The following MYOF variants were observed in gnomAD, a reference collection of about 807,000 sequenced individuals.
MYOF encodes the protein fer-1-like 3, myoferlin.
A neutral mutation model predicts 284.2 loss-of-function variants in MYOF; 244 were observed. The ratio of observed to expected loss-of-function variants is 0.86; its 90% confidence interval spans 0.77 to 0.95. The LOEUF is 0.95. MYOF is among the 40% of genes least tolerant of loss of function. The pLI is 0.00. For synonymous variants in MYOF, 904 were observed against 919.7 expected, an observed-to-expected ratio of 0.98 and a Z score of 0.31; for missense variants, 2,496 against 2,560.6, an observed-to-expected ratio of 0.97 and a Z score of 0.54.
chr10:93,355,551 G>A, intron 31 of MYOF, 77 bp downstream of exon 31: 1 of 1,194,618 alleles, frequency 8.4e-7, no homozygotes. Flanking sequence ...CTGCACTCCA[G>A]CCTGGGTGAT....
At chr10:93,381,901 G>A (rs1165324863) in intron 19 of MYOF, among the ~76,000 whole-genome samples, 2 of 152,068 alleles carry the variant, frequency 1.3e-5, no homozygotes, top group Non-Finnish European at 2.9e-5. Context: ...GCTGGGCGTG[G>A]TGGTGCACAC....
intron 1 of MYOF, among the ~76,000 whole-genome samples, chr10:93,470,353 CA>C (rs2057115990): frequency 6.6e-6 from 1 of 152,078 alleles, no homozygotes; most frequent in Non-Finnish European, 1.5e-5. Flanking sequence ...CCATCACCAT[CA>C]ATATAATTGC....
At chr10:93,445,518 C>T (rs1378977582) in intron 3 of MYOF, among the ~76,000 whole-genome samples, 1 of 152,248 alleles carries the variant, frequency 6.6e-6, no homozygotes, top group Non-Finnish European at 1.5e-5. Context: ...AGAGGCTCCT[C>T]TGTCTCCTTT....
At chr10:93,381,436 A>T (rs760644854) in intron 19 of MYOF, 40 bp from the exon 20 acceptor site, 1 of 1,593,510 alleles carries the variant, frequency 6.3e-7, no homozygotes, top group East Asian at 2.2e-5. Context: ...GTGAAAGGCC[A>T]TTTGTTCTTA....
chr10:93,393,013 C>T, intron 16 of MYOF, 58 bp from the exon 17 acceptor site: 1 of 1,469,566 alleles, frequency 6.8e-7, no homozygotes, highest in Non-Finnish European at 9.5e-7. Flanking sequence ...ATAAAACAGA[C>T]ATTGAAAACG....
intron 22 of MYOF, among the ~76,000 whole-genome samples, chr10:93,375,349 C>A (rs1845790525): frequency 6.6e-6 from 1 of 152,188 alleles, no homozygotes; most frequent in Non-Finnish European, 1.5e-5. Flanking sequence ...GGCTAGAGAC[C>A]ATTTAGCTGA....
At chr10:93,335,305 G>A (rs959025727) in intron 41 of MYOF, among the ~76,000 whole-genome samples, 2 of 152,262 alleles carry the variant, frequency 1.3e-5, no homozygotes, top group Admixed American at 6.5e-5. Context: ...GAGTGTGTGA[G>A]GGGGAGGGAG....
At chr10:93,455,695 C>T (rs527740213) in intron 2 of MYOF, among the ~76,000 whole-genome samples, 2 of 152,084 alleles carry the variant, frequency 1.3e-5, no homozygotes, top group Non-Finnish European at 2.9e-5. Flanking sequence ...CCAGAAGGTT[C>T]TAGTCTTTAT....
At chr10:93,311,573 A>C in intron 51 of MYOF, among the ~76,000 whole-genome samples, 1 of 142,024 alleles carries the variant, frequency 7.0e-6, no homozygotes, top group East Asian at 2.1e-4. Flanking sequence ...TGGGTGACAG[A>C]GTGAGACTTC....
At chr10:93,311,968 G>A (rs961083152) in intron 51 of MYOF, among the ~76,000 whole-genome samples, 3 of 152,204 alleles carry the variant, frequency 2.0e-5, no homozygotes, top group African/African-American at 7.2e-5. Context: ...CAGAGAGAGA[G>A]CACAAGGAAA....
In MYOF at chr10:93,312,721, T is replaced by A. The variant is rs545824377; in HGVS notation, c.5889+299A>T. ...CGAAATTGTACTAGAAGCCTAGCAT[T>A]AATTAACTTCCCTGATGAAGAAGAA... On this transcript the variant is annotated intron_variant, in intron 51 of 53. Transcript: ENST00000359263. 3.9e-5 allele frequency among the ~76,000 whole-genome samples: 6 copies of A among 152,158 alleles called. No individual in the cohort carries two copies. In the South Asian group the frequency reaches 1.0e-3, roughly 26 times the overall value.
At chr10:93,341,348 T>C (rs1315071277) in intron 38 of MYOF, among the ~76,000 whole-genome samples, 1 of 151,910 alleles carries the variant, frequency 6.6e-6, no homozygotes, top group Non-Finnish European at 1.5e-5. Context: ...TGATCTCGGC[T>C]CCCTGCAACC....
At position 93,323,158 on chromosome 10, in the gene MYOF, C is replaced by T. The variant is rs2133769259; in HGVS notation, c.5376G>A (p.Val1792=). ...TAACGTCCTTGGTGTTCCAGATGAT[C>T]ACACGCAGGTAGTATCTGCAAGAAG... ...PRKAKKYYLR[V]IIWNTKDVIL... The change falls in exon 48 of 54, where the codon GTG becomes GTA. Residue 1792 remains valine (V), a synonymous_variant. Coordinates refer to ENST00000359263, the MANE Select transcript of MYOF (RefSeq NM_013451.4). The T allele has an allele frequency of 1.9e-6, 3 of 1,614,112 alleles. No homozygotes were observed. Among genetic ancestry groups the T allele is most frequent in the Non-Finnish European group, 2.5e-6 (3 of 1,179,942 alleles).
chr10:93,383,953 C>T (rs577576799), intron 19 of MYOF, among the ~76,000 whole-genome samples: 17 of 152,310 alleles, frequency 1.1e-4, no homozygotes, highest in Admixed American at 5.9e-4. Flanking sequence ...GATGCTCTCA[C>T]GCAGAGCTTG....
chr10:93,402,992 C>G (rs1451604423), intron 9 of MYOF, 102 bp from the exon 10 acceptor site: 6 of 995,160 alleles, frequency 6.0e-6, no homozygotes, highest in Non-Finnish European at 9.2e-6. Flanking sequence ...CTTGATTACA[C>G]TTAAATTTCC....
intron 1 of MYOF, among the ~76,000 whole-genome samples, chr10:93,468,992 TG>T (rs1364437955): frequency 6.6e-5 from 10 of 152,366 alleles, no homozygotes; most frequent in African/African-American, 2.4e-4. Context: ...TGCCTCTTTC[TG>T]GCTACACAGC....
Position 93,325,937 on chromosome 10 carries a change from G to T in MYOF, c.5160C>A (p.Leu1720=). 6.2e-7 allele frequency: 1 copy of T among 1,614,060 alleles called. No individual in the cohort carries two copies. Among genetic ancestry groups the T allele is most frequent in the Non-Finnish European group, 8.5e-7 (1 of 1,179,994 alleles). The stretch of plus-strand genomic sequence containing the variant: ...GAGCAAGCCGCTCTTCAGGGGCCCC[G>T]AGGTGCTGGTGCAGGATTTTGTTGG... The part of the protein sequence containing the change: ...FEANKILHQH[L]GAPEERLALH... Residue 1720 remains leucine, a synonymous_variant, in exon 46 of 54, where the codon CTC becomes CTA. Transcript: ENST00000359263.
intron 19 of MYOF, among the ~76,000 whole-genome samples, chr10:93,385,928 T>C (rs2134019416): frequency 6.6e-6 from 1 of 152,224 alleles, no homozygotes; most frequent in South Asian, 2.1e-4. Context: ...TGAAGAAAAC[T>C]AATTTGGTTT....
At position 93,445,700 on chromosome 10, in the gene MYOF, A is replaced by C. The variant is rs2056410229; in HGVS notation, c.236+6350T>G. On this transcript the variant is annotated intron_variant, in intron 3 of 53. Coordinates refer to ENST00000359263, the MANE Select transcript of MYOF (RefSeq NM_013451.4). ...GGGTCTAGCCCATGCGGGTGTGGGCATGGAGCCCAGCTGACCGAGGCAGCT... is the reference window on the plus strand; with the variant it reads ...GGGTCTAGCCCATGCGGGTGTGGGCCTGGAGCCCAGCTGACCGAGGCAGCT... Among the ~76,000 whole-genome samples the C allele has an allele frequency of 2.0e-5, 3 of 152,222 alleles. No individual in the cohort carries two copies. In the South Asian group the frequency reaches 6.2e-4, roughly 31 times the overall value.
Sources: allele counts gnomAD v4.1 joint callset (sites outside exome capture counted in the v4.1 genomes callset), GRCh38; gene constraint gnomAD v4.1.1; transcripts MANE v1.5; gene names NCBI Gene and HGNC (gene_info 2026-07-23, HGNC 2026-07-21).